Variants in MLLT10 observed in about 807,000 individuals in gnomAD.
The protein encoded by MLLT10 is MLLT10 histone lysine methyltransferase DOT1L cofactor, also known as protein AF-10.
MLLT10 carries 30 observed loss-of-function variants against 129.1 expected under a neutral mutation model. The observed-to-expected ratio is 0.23, with a 90% CI of 0.17 to 0.32. MLLT10 has a LOEUF of 0.32. Among genes scored for constraint, MLLT10 ranks in the 10% least tolerant of loss-of-function variants. The pLI, the probability that MLLT10 is intolerant of heterozygous loss-of-function variation, is 1.00. For missense variants in MLLT10, 1,119 were observed against 1,268.3 expected (o/e 0.88, Z 1.79); for synonymous variants, 490 against 446.4 (o/e 1.10, Z -1.23).
intron 8 of MLLT10, among the ~76,000 whole-genome samples, chr10:21,619,053 CACA>C (rs2045555530): frequency 6.6e-6 from 1 of 151,848 alleles, no homozygotes; most frequent in East Asian, 1.9e-4. Context: ...CACACACACA[CACA>C]CACACACACA....
intron 5 of MLLT10, among the ~76,000 whole-genome samples, chr10:21,601,024 G>C (rs1166247739): frequency 1.3e-5 from 2 of 151,984 alleles, no homozygotes; most frequent in Non-Finnish European, 2.9e-5. Context: ...GCTCACTGTA[G>C]CTTCTACTTC....
chr10:21,660,247 C>T (rs1003250350), intron 9 of MLLT10, among the ~76,000 whole-genome samples: 11 of 150,294 alleles, frequency 7.3e-5, no homozygotes, highest in African/African-American at 2.2e-4. Flanking sequence ...GGATTACAGG[C>T]GTGAGCCACC....
chr10:21,565,867 A>AACTGCTGGCATTACAGGCATGAGCC (rs1361815226), intron 3 of MLLT10, among the ~76,000 whole-genome samples: 1 of 151,590 alleles, frequency 6.6e-6, no homozygotes. Flanking sequence ...TGGCCTCCCA[A>AACTGCTGGCATTACAGGCATGAGCC]ACTGCTGGCA....
chr10:21,716,092 G>A (rs561837717), intron 14 of MLLT10, among the ~76,000 whole-genome samples: 39 of 152,346 alleles, frequency 2.6e-4, no homozygotes, highest in African/African-American at 9.1e-4. Flanking sequence ...TGAGACAATA[G>A]TAATGGTGTT....
chr10:21,717,434 T>C (rs1264249102), intron 14 of MLLT10, among the ~76,000 whole-genome samples: 5 of 149,986 alleles, frequency 3.3e-5, no homozygotes, highest in Non-Finnish European at 5.9e-5. Flanking sequence ...GCAGCATACA[T>C]TTTGGGGAAA....
chr10:21,641,911 G>A (rs1467171413), intron 8 of MLLT10, among the ~76,000 whole-genome samples: 1 of 152,200 alleles, frequency 6.6e-6, no homozygotes, highest in African/African-American at 2.4e-5. Flanking sequence ...CTGTGGCAGA[G>A]CATTGTTGAC....
chr10:21,687,860 G>A (rs184793713), intron 13 of MLLT10, among the ~76,000 whole-genome samples: 1 of 152,310 alleles, frequency 6.6e-6, no homozygotes, highest in East Asian at 1.9e-4. Flanking sequence ...TGATGAAATA[G>A]TATGAAATCT....
chr10:21,672,168 A>AGTGTGTGTGT (rs55769872), intron 10 of MLLT10, among the ~76,000 whole-genome samples: 4,256 of 134,304 alleles, frequency 0.032, 105 homozygotes, highest in Non-Finnish European at 0.036. Context: ...CCAGGTTTTC[A>AGTGTGTGTGT]GTGTGTGTGT....
At chr10:21,599,078 T>C (rs191090337) in intron 5 of MLLT10, among the ~76,000 whole-genome samples, 126 of 151,692 alleles carry the variant, frequency 8.3e-4, no homozygotes, top group African/African-American at 2.9e-3. Context: ...CTCAGGAGGC[T>C]GAGGCAGGAG....
chr10:21,738,700 T>C (rs2058586028), intron 21 of MLLT10: 1 of 351,434 alleles, frequency 2.8e-6, no homozygotes, highest in Non-Finnish European at 4.0e-6. Context: ...GCAACGGCAT[T>C]AGACAGAGTT....
At chr10:21,618,718 C>G (rs2045511407) in intron 8 of MLLT10, among the ~76,000 whole-genome samples, 1 of 151,848 alleles carries the variant, frequency 6.6e-6, no homozygotes, top group Non-Finnish European at 1.5e-5. Flanking sequence ...ACCGCAACCT[C>G]TGCCTGCTGG....
At chr10:21,596,804 T>C (rs1379698253) in intron 5 of MLLT10, among the ~76,000 whole-genome samples, 1 of 152,124 alleles carries the variant, frequency 6.6e-6, no homozygotes, top group Non-Finnish European at 1.5e-5. Context: ...AGAGATCATA[T>C]TATTTTGTCT....
chr10:21,634,019 C>A (rs2047235244), intron 8 of MLLT10, among the ~76,000 whole-genome samples: 1 of 151,816 alleles, frequency 6.6e-6, no homozygotes, highest in African/African-American at 2.4e-5. Context: ...GTGGGTGGAT[C>A]ACTTGAGGTC....
chr10:21,651,598 T>G (rs1391159518), intron 8 of MLLT10, 75 bp from the exon 9 acceptor site: 1 of 927,712 alleles, frequency 1.1e-6, no homozygotes. Flanking sequence ...AAATTACTAG[T>G]TATAAAAAAA....
chr10:21,648,858 C>T (rs1219584096), intron 8 of MLLT10, among the ~76,000 whole-genome samples: 1 of 152,078 alleles, frequency 6.6e-6, no homozygotes, highest in Non-Finnish European at 1.5e-5. Context: ...AGACAATGTG[C>T]AGGGGAACTG....
chr10:21,719,206 CTT>C (rs1005768535), intron 14 of MLLT10, among the ~76,000 whole-genome samples: 1 of 152,184 alleles, frequency 6.6e-6, no homozygotes, highest in Non-Finnish European at 1.5e-5. Context: ...AATAAGGACA[CTT>C]TAATTCTGCT....
rs147621642 is a variant in MLLT10 at position 21,717,304 on chromosome 10, A to T, written c.1878+3354A>T. ...TGTTCCCTGGAAAGTGGTCAAGGAG[A>T]TAAGATTGGGAAGGGCTAGTAGAAG... is the stretch of plus-strand genomic sequence containing the variant. On this transcript the variant is annotated intron_variant, in intron 14 of 22. Transcript: ENST00000307729. Among the ~76,000 whole-genome samples the T allele has an allele frequency of 5.1e-3, 732 of 144,946 alleles. 6 individuals are homozygous for T. Among genetic ancestry groups the T allele is most frequent in the Non-Finnish European group, 8.9e-3 (594 of 66,542 alleles).
chr10:21,630,295 A>G (rs2046878721), intron 8 of MLLT10, among the ~76,000 whole-genome samples: 1 of 152,252 alleles, frequency 6.6e-6, no homozygotes, highest in Non-Finnish European at 1.5e-5. Context: ...ATATTGGAGC[A>G]TGGGCCTAGA....
intron 3 of MLLT10, among the ~76,000 whole-genome samples, chr10:21,576,434 G>C (rs935599100): frequency 5.3e-5 from 8 of 150,362 alleles, no homozygotes; most frequent in African/African-American, 9.8e-5. Flanking sequence ...GTAGAGCTAG[G>C]TTGTCACCAT....
Sources: allele counts gnomAD v4.1 joint callset (sites outside exome capture counted in the v4.1 genomes callset), GRCh38; gene constraint gnomAD v4.1.1; transcripts MANE v1.5; gene names NCBI Gene and HGNC (gene_info 2026-07-23, HGNC 2026-07-21).